Variants in KIRREL3 observed in about 807,000 individuals in gnomAD.
KIRREL3 encodes kin of IRRE-like protein 3.
KIRREL3 carries 36 observed loss-of-function variants against 89.7 expected under a neutral mutation model. The ratio of observed to expected loss-of-function variants is 0.40; its 90% confidence interval spans 0.31 to 0.53. The LOEUF is 0.53. KIRREL3 is among the 20% of genes least tolerant of loss of function. KIRREL3 has a pLI of 0.49. For synonymous variants in KIRREL3, 445 were observed against 441.4 expected (o/e 1.01, Z -0.10); for missense variants, 864 against 1,056.6 (o/e 0.82, Z 2.53).
At chr11:126,790,766 G>C (rs950076504) in intron 1 of KIRREL3, among the ~76,000 whole-genome samples, 2 of 152,036 alleles carry the variant, frequency 1.3e-5, no homozygotes, top group Non-Finnish European at 2.9e-5. Context: ...GGAGTGACTG[G>C]AGCTCGGCTC....
At chr11:126,507,596 G>A (rs771177601) in intron 4 of KIRREL3, among the ~76,000 whole-genome samples, 12 of 152,136 alleles carry the variant, frequency 7.9e-5, no homozygotes, top group East Asian at 1.9e-4. Flanking sequence ...TGTTTTCATC[G>A]CTAATGTATA....
chr11:126,650,570 C>T (rs187859123), intron 1 of KIRREL3, among the ~76,000 whole-genome samples: 1 of 152,308 alleles, frequency 6.6e-6, no homozygotes, highest in African/African-American at 2.4e-5. Context: ...ACAAGAATCT[C>T]CTTTGCTCCA....
chr11:126,511,377 G>A (rs1958215089), intron 4 of KIRREL3, among the ~76,000 whole-genome samples: 1 of 151,448 alleles, frequency 6.6e-6, no homozygotes, highest in Admixed American at 6.6e-5. Context: ...GCTGCCTGGA[G>A]AGGCAGTCGG....
intron 1 of KIRREL3, among the ~76,000 whole-genome samples, chr11:126,784,357 T>C (rs1356161654): frequency 2.0e-5 from 3 of 152,374 alleles, no homozygotes; most frequent in South Asian, 4.1e-4. Context: ...GCAACTTTTA[T>C]GTATGTCAAA....
intron 1 of KIRREL3, chr11:126,681,823 G>A: frequency 2.2e-6 from 1 of 450,630 alleles, no homozygotes; most frequent in Non-Finnish European, 4.5e-6. Flanking sequence ...TATTCCTGAG[G>A]AATCTGCGTT....
intron 1 of KIRREL3, among the ~76,000 whole-genome samples, chr11:126,842,538 T>A (rs571097729): frequency 1.3e-5 from 2 of 152,306 alleles, no homozygotes; most frequent in South Asian, 2.1e-4. Context: ...AGTCCCCCAA[T>A]ATCCTTCATC....
intron 1 of KIRREL3, among the ~76,000 whole-genome samples, chr11:126,625,060 C>G (rs1308661571): frequency 6.6e-6 from 1 of 152,114 alleles, no homozygotes; most frequent in Non-Finnish European, 1.5e-5. Context: ...TGGGTTTTCT[C>G]CCCTCTCCAG....
At chr11:126,923,113 T>TCTC (rs780318316) in intron 1 of KIRREL3, among the ~76,000 whole-genome samples, 7 of 68,170 alleles carry the variant, frequency 1.0e-4, no homozygotes, top group African/African-American at 5.6e-4. Context: ...TCCTTCTCCT[T>TCTC]CTCCTTCTCC....
intron 1 of KIRREL3, among the ~76,000 whole-genome samples, chr11:126,828,577 T>G (rs1453991372): frequency 6.6e-6 from 1 of 152,126 alleles, no homozygotes; most frequent in African/African-American, 2.4e-5. Context: ...GCAGCAGACA[T>G]GAAGGGTGCA....
In KIRREL3 at chr11:126,645,973, C is replaced by T. The variant is rs1286684143; in HGVS notation, c.56-83061G>A. 6.6e-6 allele frequency among the ~76,000 whole-genome samples: 1 copy of T among 152,174 alleles called. No homozygotes were observed. On this transcript the variant is annotated intron_variant, in intron 1 of 16. Transcript: ENST00000525144. The surrounding 1 kb of genome is among the most constrained non-coding windows in gnomAD (Gnocchi z 4.9). ...GATACTCAAATACATAGGCGGCACTCGGAATGATGTACGAGTACTCTTGTC... is the reference window on the plus strand; with the variant it reads ...GATACTCAAATACATAGGCGGCACTTGGAATGATGTACGAGTACTCTTGTC...
chr11:126,481,623 T>C (rs925628684), intron 4 of KIRREL3, among the ~76,000 whole-genome samples: 6 of 152,260 alleles, frequency 3.9e-5, no homozygotes, highest in African/African-American at 1.4e-4. Context: ...TCAGTCACCC[T>C]GTCTTGCCAA....
rs1245044163 is a variant in KIRREL3 at position 126,527,091 on chromosome 11, C to T, written c.134-404G>A. On this transcript the variant is annotated intron_variant, in intron 2 of 16. Coordinates refer to ENST00000525144, the MANE Select transcript of KIRREL3 (RefSeq NM_032531.4). This position sits in a 1 kb window ranked among gnomAD's most constrained non-coding sequence, Gnocchi z 4.2. ...AGAGAGAGAGACCTCTAGCTAGAAA[C>T]ATTCTGTGGTGGCTGTGTGTTAAGA... 1.3e-5 allele frequency among the ~76,000 whole-genome samples: 2 copies of T among 152,206 alleles called. No individual in the cohort carries two copies. Among genetic ancestry groups the T allele is most frequent in the Admixed American group, 1.3e-4 (2 of 15,278 alleles).
At position 126,903,743 on chromosome 11, in the gene KIRREL3, T is replaced by C. The variant is rs1019320270; in HGVS notation, c.55+96712A>G. On this transcript the variant is annotated intron_variant, in intron 1 of 16. Coordinates refer to ENST00000525144, the MANE Select transcript of KIRREL3 (RefSeq NM_032531.4). This position sits in a 1 kb window ranked among gnomAD's most constrained non-coding sequence, Gnocchi z 4.5. ...TATGTTGGGCCACCAACGCTTTCTG[T>C]AATCACCTTAATAGGTCAACATAAC... Among the ~76,000 whole-genome samples the C allele has an allele frequency of 2.6e-5, 4 of 152,222 alleles. No homozygotes were observed. Among genetic ancestry groups the C allele is most frequent in the African/African-American group, 9.6e-5 (4 of 41,460 alleles).
chr11:126,515,607 G>C lies in KIRREL3; in HGVS notation c.433+5708C>G, dbSNP rs1456233895. Among the ~76,000 whole-genome samples the C allele has an allele frequency of 6.6e-6, 1 of 152,194 alleles. No individual in the cohort carries two copies. The highest frequency in any genetic ancestry group is 1.5e-5 in the Non-Finnish European group (1 of 68,030). ...AAGAAAGGTAGGAAGGGCACTCCAG[G>C]AAGAAACACAGTGTGAATGAGGGCC... On this transcript the variant is annotated intron_variant, in intron 4 of 16. Transcript: ENST00000525144. The surrounding 1 kb of genome is among the most constrained non-coding windows in gnomAD (Gnocchi z 4.2).
At position 126,833,128 on chromosome 11, in the gene KIRREL3, A is replaced by G. The variant is rs1471620879; in HGVS notation, c.55+167327T>C. ...GTCTCCTAGATGCTTGTCTCCAACT[A>G]TTTCAAACAGAAGTGATTTGTTACC... On this transcript the variant is annotated intron_variant, in intron 1 of 16. Coordinates refer to ENST00000525144, the MANE Select transcript of KIRREL3 (RefSeq NM_032531.4). Among the ~76,000 whole-genome samples the G allele has an allele frequency of 2.6e-5, 4 of 152,098 alleles. No homozygotes were observed. In the East Asian group the frequency reaches 5.8e-4, roughly 22 times the overall value.
In KIRREL3 at chr11:126,570,518, C is replaced by A. The variant is rs1315151776; in HGVS notation, c.56-7606G>T. 6.6e-6 allele frequency among the ~76,000 whole-genome samples: 1 copy of A among 152,184 alleles called. No homozygotes were observed. Among genetic ancestry groups the A allele is most frequent in the Admixed American group, 6.5e-5 (1 of 15,276 alleles). ...CCAAAAACTTGTTGTGACCCGCCAGCCCATCTCACCAGCTCCAGCAGGCAG... is the reference window on the plus strand; with the variant it reads ...CCAAAAACTTGTTGTGACCCGCCAGACCATCTCACCAGCTCCAGCAGGCAG... On this transcript the variant is annotated intron_variant, in intron 1 of 16. Coordinates refer to ENST00000525144, the MANE Select transcript of KIRREL3 (RefSeq NM_032531.4). The surrounding 1 kb of genome is among the most constrained non-coding windows in gnomAD (Gnocchi z 6.1).
chr11:126,928,782 C>A (rs1947822033), intron 1 of KIRREL3, among the ~76,000 whole-genome samples: 1 of 151,992 alleles, frequency 6.6e-6, no homozygotes. Context: ...GGTTTGGAGG[C>A]AGAAGAGGTC....
intron 1 of KIRREL3, among the ~76,000 whole-genome samples, chr11:126,923,129 CT>C (rs1447138937): frequency 0.094 from 2,411 of 25,688 alleles, 511 homozygotes; most frequent in African/African-American, 0.1. Flanking sequence ...TCTCCTTCTT[CT>C]CTTCTTCTTC....
rs1958746179 is a variant in KIRREL3 at position 126,526,193 on chromosome 11, T to C, written c.283+345A>G. Among the ~76,000 whole-genome samples, 1 of 152,188 alleles carries C rather than the reference T, an allele frequency of 6.6e-6. No individual in the cohort carries two copies. The highest frequency in any genetic ancestry group is 1.9e-4 in the East Asian group (1 of 5,198). On this transcript the variant is annotated intron_variant, in intron 3 of 16. Coordinates refer to ENST00000525144, the MANE Select transcript of KIRREL3 (RefSeq NM_032531.4). The surrounding 1 kb of genome is among the most constrained non-coding windows in gnomAD (Gnocchi z 5.7). Reference sequence around the variant, plus strand: ...TAATTGTGCCTTAATAAATGGGGGATACATCTTGGGCCAAGACACAGGAAC... The same window carrying C: ...TAATTGTGCCTTAATAAATGGGGGACACATCTTGGGCCAAGACACAGGAAC...
Sources: gnomAD v4.1 joint callset for allele counts (sites outside exome capture counted in the v4.1 genomes callset) on GRCh38, gnomAD v4.1.1 for gene constraint, Gnocchi (gnomAD v3.1) non-coding constraint, MANE v1.5 for transcripts, NCBI Gene and HGNC (gene_info 2026-07-23, HGNC 2026-07-21) for gene names.